PDE4B: variants seen among roughly 807,000 people sequenced by gnomAD.
PDE4B encodes 3',5'-cyclic-AMP phosphodiesterase 4B.
PDE4B carries 20 observed loss-of-function variants against 82.2 expected under a neutral mutation model. That is an observed-to-expected ratio of 0.24 (90% CI 0.17 to 0.35). PDE4B has a LOEUF of 0.35. Among genes scored for constraint, PDE4B ranks in the 10% least tolerant of loss-of-function variants. PDE4B has a pLI of 1.00. For missense variants in PDE4B, 655 were observed against 907.2 expected (o/e 0.72, Z 3.57); for synonymous variants, 320 against 318.9 (o/e 1.00, Z -0.04).
intron 1 of PDE4B, among the ~76,000 whole-genome samples, chr1:65,857,948 T>C (rs1480061311): frequency 1.3e-5 from 2 of 152,160 alleles, no homozygotes; most frequent in African/African-American, 4.8e-5. Flanking sequence ...GTTCTCTTTT[T>C]TGCAGGCAGG....
At chr1:65,839,085 T>C (rs34280859) in intron 1 of PDE4B, among the ~76,000 whole-genome samples, 2 of 152,006 alleles carry the variant, frequency 1.3e-5, no homozygotes, top group Admixed American at 6.6e-5. Flanking sequence ...CTGTATACTT[T>C]AGGATTTGGA....
At chr1:66,134,663 G>C (rs1396954921) in intron 3 of PDE4B, among the ~76,000 whole-genome samples, 1 of 152,216 alleles carries the variant, frequency 6.6e-6, no homozygotes, top group Admixed American at 6.5e-5. Context: ...ATTTTAAAGA[G>C]AGAAGTGAAA....
chr1:65,988,989 A>G (rs980956761), intron 3 of PDE4B, among the ~76,000 whole-genome samples: 6 of 152,196 alleles, frequency 3.9e-5, no homozygotes, highest in Non-Finnish European at 8.8e-5. Flanking sequence ...GTGTCACTAT[A>G]AATTTATAAT....
intron 1 of PDE4B, among the ~76,000 whole-genome samples, chr1:65,808,627 A>G (rs1275837024): frequency 6.6e-6 from 1 of 152,148 alleles, no homozygotes; most frequent in Non-Finnish European, 1.5e-5. Flanking sequence ...GAGTTTTAGG[A>G]GGGGGATCTT....
At chr1:66,323,095 T>C (rs921946301) in intron 7 of PDE4B, among the ~76,000 whole-genome samples, 6 of 152,144 alleles carry the variant, frequency 3.9e-5, no homozygotes, top group East Asian at 3.9e-4. Context: ...CAAATTTGGC[T>C]GGGCCACTCC....
Position 66,215,609 on chromosome 1 carries a change from A to G in PDE4B, c.282-31851A>G, listed in dbSNP as rs372850596. On this transcript the variant is annotated intron_variant, in intron 3 of 16. Coordinates refer to ENST00000341517, the MANE Select transcript of PDE4B (RefSeq NM_002600.4). ...AGATTCCTTTGGGGATGGAAGAGCA[A>G]TATGATGGCTTCTTTCTGCAGGAGG... 2.0e-4 allele frequency among the ~76,000 whole-genome samples: 30 copies of G among 152,260 alleles called. No homozygotes were observed. In the South Asian group the frequency reaches 5.0e-3, roughly 25 times the overall value.
At position 65,930,480 on chromosome 1, in the gene PDE4B, T is replaced by C. The variant is rs142849104; in HGVS notation, c.281+11645T>C. ...TCAATGCCAGCCCTTGAGAGCAGCA[T>C]TGGGGGGTCGAGCCCTGGAAGGCCA... On this transcript the variant is annotated intron_variant, in intron 3 of 16. Coordinates refer to ENST00000341517, the MANE Select transcript of PDE4B (RefSeq NM_002600.4). Among the ~76,000 whole-genome samples, 970 of 152,306 alleles carry C rather than the reference T, an allele frequency of 6.4e-3. 8 individuals carry two copies. The highest frequency in any genetic ancestry group is 0.014 in the Middle Eastern group (4 of 294).
intron 3 of PDE4B, among the ~76,000 whole-genome samples, chr1:66,221,529 C>T (rs921691187): frequency 2.6e-5 from 4 of 152,082 alleles, no homozygotes; most frequent in African/African-American, 9.7e-5. Context: ...CTGAAATATA[C>T]AGGCAGTATT....
chr1:66,329,380 T>C (rs1416622074), intron 7 of PDE4B, among the ~76,000 whole-genome samples: 1 of 152,142 alleles, frequency 6.6e-6, no homozygotes, highest in Non-Finnish European at 1.5e-5. Flanking sequence ...AAAACCACCA[T>C]GACAAGTTGA....
At chr1:65,846,723 T>C (rs1285737631) in intron 1 of PDE4B, among the ~76,000 whole-genome samples, 1 of 152,208 alleles carries the variant, frequency 6.6e-6, no homozygotes, top group African/African-American at 2.4e-5. Context: ...TCTAGCTGTG[T>C]ATCTAGTGTT....
intron 7 of PDE4B, among the ~76,000 whole-genome samples, chr1:66,292,787 T>C (rs780231101): frequency 5.9e-5 from 9 of 152,340 alleles, no homozygotes; most frequent in Middle Eastern, 3.4e-3. Context: ...ACTATCTCTT[T>C]AGATATGATC....
intron 13 of PDE4B, among the ~76,000 whole-genome samples, chr1:66,366,407 A>G (rs1359572904): frequency 1.3e-5 from 2 of 152,130 alleles, no homozygotes; most frequent in Non-Finnish European, 2.9e-5. Flanking sequence ...TAGTTTTCAT[A>G]CCTTTGAAAA....
chr1:65,885,987 C>G (rs530777653), intron 1 of PDE4B, among the ~76,000 whole-genome samples: 1 of 150,826 alleles, frequency 6.6e-6, no homozygotes, highest in East Asian at 1.9e-4. Flanking sequence ...ACCTAAAATT[C>G]GGCCAGTTTG....
intron 3 of PDE4B, among the ~76,000 whole-genome samples, chr1:65,948,178 G>A (rs1244622362): frequency 1.3e-5 from 2 of 151,626 alleles, no homozygotes; most frequent in Non-Finnish European, 2.9e-5. Flanking sequence ...TTGTACATTT[G>A]GAAATTGTGC....
At chr1:66,114,057 T>C (rs1340620884) in intron 3 of PDE4B, among the ~76,000 whole-genome samples, 1 of 152,172 alleles carries the variant, frequency 6.6e-6, no homozygotes, top group Non-Finnish European at 1.5e-5. Context: ...TTTGGGAAGT[T>C]ATTAGATCAT....
chr1:66,235,053 G>T (rs1045214773), intron 3 of PDE4B, among the ~76,000 whole-genome samples: 1 of 151,958 alleles, frequency 6.6e-6, no homozygotes, highest in Non-Finnish European at 1.5e-5. Flanking sequence ...AAATGCCTGG[G>T]GCTTTACCAA....
intron 1 of PDE4B, among the ~76,000 whole-genome samples, chr1:65,841,410 TAG>T (rs1025307202): frequency 1.9e-5 from 2 of 104,510 alleles, no homozygotes; most frequent in African/African-American, 7.2e-5. Flanking sequence ...TTATTGCACT[TAG>T]AGTTCATTGC....
At chr1:66,136,724 A>G (rs1646065129) in intron 3 of PDE4B, among the ~76,000 whole-genome samples, 1 of 148,166 alleles carries the variant, frequency 6.7e-6, no homozygotes, top group African/African-American at 2.5e-5. Flanking sequence ...AAAAAAAAGA[A>G]TGTTCAAAAA....
At chr1:66,001,607 A>T (rs1651866967) in intron 3 of PDE4B, among the ~76,000 whole-genome samples, 1 of 152,208 alleles carries the variant, frequency 6.6e-6, no homozygotes, top group Non-Finnish European at 1.5e-5. Flanking sequence ...AATAAAGGTG[A>T]TATAAACATT....
Sources: gnomAD v4.1 joint callset for allele counts (sites outside exome capture counted in the v4.1 genomes callset) on GRCh38, gnomAD v4.1.1 for gene constraint, MANE v1.5 for transcripts, NCBI Gene and HGNC (gene_info 2026-07-23, HGNC 2026-07-21) for gene names.